SMARCA4: variants seen among roughly 807,000 people sequenced by gnomAD.
SMARCA4 encodes the protein SWI/SNF related BAF chromatin remodeling complex subunit ATPase 4.
In SMARCA4, 31 loss-of-function variants were observed where a neutral mutation model predicts 193.9. The ratio of observed to expected loss-of-function variants is 0.16; its 90% CI spans 0.12 to 0.22. SMARCA4 has a LOEUF of 0.22. Among genes scored for constraint, SMARCA4 ranks in the 10% least tolerant of loss-of-function variants. The probability of loss-of-function intolerance (pLI) is 1.00; values close to 1 mark genes in which losing one functional copy is unlikely to be tolerated. For missense variants in SMARCA4, 1,148 were observed against 2,296.0 expected (o/e 0.50, Z 10.22); for synonymous variants, 942 against 933.1 (o/e 1.01, Z -0.17).
At chr19:11,009,142 C>T (rs1460045109) in intron 14 of SMARCA4, among the ~76,000 whole-genome samples, 1 of 148,438 alleles carries the variant, frequency 6.7e-6, no homozygotes, top group Non-Finnish European at 1.5e-5. Flanking sequence ...TTGCCTCGGC[C>T]TCCTGAGTAG....
At chr19:11,052,351 A>G (rs1271105413) in intron 30 of SMARCA4, among the ~76,000 whole-genome samples, 1 of 152,164 alleles carries the variant, frequency 6.6e-6, no homozygotes, top group Non-Finnish European at 1.5e-5. Flanking sequence ...ACGTGAGCCC[A>G]GGAGTTGGAG....
intron 16 of SMARCA4, among the ~76,000 whole-genome samples, chr19:11,015,066 G>T (rs1354283757): frequency 6.6e-6 from 1 of 152,088 alleles, no homozygotes; most frequent in African/African-American, 2.4e-5. Flanking sequence ...GCCCGCCTTG[G>T]CCTCCCAAAG....
intron 29 of SMARCA4, chr19:11,040,958 G>A (rs953354832): frequency 1.2e-5 from 3 of 246,800 alleles, no homozygotes; most frequent in Non-Finnish European, 2.3e-5. Flanking sequence ...GATGGGGAGA[G>A]TGTGGAACAG....
intron 1 of SMARCA4, among the ~76,000 whole-genome samples, chr19:10,968,855 C>T (rs1467876773): frequency 6.6e-6 from 1 of 152,124 alleles, no homozygotes; most frequent in Non-Finnish European, 1.5e-5. Context: ...CTGAAACTGC[C>T]CCTGTGATGA....
At chr19:11,009,690 T>A (rs1395172086) in intron 14 of SMARCA4, among the ~76,000 whole-genome samples, 1 of 147,392 alleles carries the variant, frequency 6.8e-6, no homozygotes, top group Non-Finnish European at 1.5e-5. Flanking sequence ...CGGCTAACTT[T>A]TTTTTTTTTT....
intron 11 of SMARCA4, among the ~76,000 whole-genome samples, chr19:10,997,865 T>G (rs571475809): frequency 6.6e-6 from 1 of 152,314 alleles, no homozygotes; most frequent in South Asian, 2.1e-4. Flanking sequence ...AAGACAAGGT[T>G]GTTTCTGCAC....
At position 11,033,184 on chromosome 19, in the gene SMARCA4, C is replaced by A. The variant is rs2075047778; in HGVS notation, c.3547-106C>A. 4 of 870,072 alleles carry A rather than the reference C, an allele frequency of 4.6e-6. No homozygotes were observed. The highest frequency in any genetic ancestry group is 7.7e-6 in the Non-Finnish European group (4 of 519,960). The allele number at this position is 870,072 out of a possible 1,614,324, so 53.9% of individuals were successfully genotyped here. On this transcript the variant is annotated intron_variant, in intron 25 of 34. Coordinates refer to ENST00000344626, the MANE Select transcript of SMARCA4 (RefSeq NM_003072.5). This position sits in a 1 kb window ranked among gnomAD's most constrained non-coding sequence, Gnocchi z 9.8. Reference sequence around the variant, plus strand: ...GGTCAGGCTGGGCAGAATTGTCAGGCCGAGGGTGGCACGCACAGCACACCT... The same window carrying A: ...GGTCAGGCTGGGCAGAATTGTCAGGACGAGGGTGGCACGCACAGCACACCT...
At chr19:11,052,449 G>C (rs183053747) in intron 30 of SMARCA4, among the ~76,000 whole-genome samples, 14 of 152,132 alleles carry the variant, frequency 9.2e-5, no homozygotes, top group Admixed American at 3.3e-4. Flanking sequence ...GGCTCCAGGG[G>C]GTGTGAAGGA....
intron 11 of SMARCA4, among the ~76,000 whole-genome samples, chr19:11,001,991 G>A (rs2087681368): frequency 6.6e-6 from 1 of 152,136 alleles, no homozygotes; most frequent in South Asian, 2.1e-4. Flanking sequence ...TACAAATAGA[G>A]TATAAGTGGG....
chr19:11,036,276 C>T (rs2075264317), intron 29 of SMARCA4, among the ~76,000 whole-genome samples: 1 of 152,194 alleles, frequency 6.6e-6, no homozygotes, highest in African/African-American at 2.4e-5. Context: ...GTATGAGTGT[C>T]ACCGGCCCTG....
intron 1 of SMARCA4, among the ~76,000 whole-genome samples, chr19:10,961,972 A>ATTTTTTTT (rs1291248772): frequency 1.6e-5 from 2 of 121,774 alleles, no homozygotes; most frequent in Non-Finnish European, 1.7e-5. Flanking sequence ...ACCAGTCTTG[A>ATTTTTTTT]TTTTTTTTTT....
intron 14 of SMARCA4, among the ~76,000 whole-genome samples, chr19:11,009,007 C>CT (rs762148337): frequency 0.013 from 524 of 40,912 alleles, 115 homozygotes; most frequent in East Asian, 0.089. Flanking sequence ...ATAAAAGTCA[C>CT]TTTTTTTTTT....
At chr19:11,038,245 C>G (rs964481038) in intron 29 of SMARCA4, among the ~76,000 whole-genome samples, 15 of 152,194 alleles carry the variant, frequency 9.9e-5, no homozygotes, top group Non-Finnish European at 2.2e-4. Context: ...GCAGCGTCAC[C>G]CCATCTCTGC....
chr19:11,045,347 C>T (rs1049937033), intron 30 of SMARCA4, among the ~76,000 whole-genome samples: 1 of 152,124 alleles, frequency 6.6e-6, no homozygotes, highest in African/African-American at 2.4e-5. Context: ...TACTGTGTGC[C>T]TCCAGTTCTG....
chr19:11,028,143 G>A (rs1335327896), intron 24 of SMARCA4, among the ~76,000 whole-genome samples, 193 bp downstream of exon 24: 2 of 152,188 alleles, frequency 1.3e-5, no homozygotes, highest in East Asian at 3.8e-4. Context: ...ATTGGACGCC[G>A]GGTGTCCTGA....
At chr19:10,996,432 C>G (rs1294772020) in intron 10 of SMARCA4, 52 bp downstream of exon 10, 1 of 1,613,624 alleles carries the variant, frequency 6.2e-7, no homozygotes, top group Non-Finnish European at 8.5e-7. Flanking sequence ...GAGCAGCCGT[C>G]TTCACGTGTG....
intron 13 of SMARCA4, among the ~76,000 whole-genome samples, chr19:11,004,417 T>C (rs1455013488): frequency 6.6e-6 from 1 of 151,872 alleles, no homozygotes; most frequent in African/African-American, 2.4e-5. Context: ...CCAGCTAATT[T>C]TTAAAATATT....
intron 19 of SMARCA4, 88 bp downstream of exon 19, chr19:11,022,055 G>C: frequency 6.3e-7 from 1 of 1,588,172 alleles, no homozygotes; most frequent in Non-Finnish European, 8.6e-7. Context: ...GCTACAGCTG[G>C]CTGGGCCTGT....
rs970820040 is a variant in SMARCA4 at position 11,031,220 on chromosome 19, G to A, written c.3546+327G>A. ...TCAATCTGCGCCGTCACTGTGGGGC[G>A]GCCCCTGCAGTGTGCCCTGTGAGCA... On this transcript the variant is annotated intron_variant, in intron 25 of 34. Coordinates refer to ENST00000344626, the MANE Select transcript of SMARCA4 (RefSeq NM_003072.5). This position sits in a 1 kb window ranked among gnomAD's most constrained non-coding sequence, Gnocchi z 4.3. 9 of 388,430 alleles carry A rather than the reference G, an allele frequency of 2.3e-5. No individual in the cohort carries two copies. The highest frequency in any genetic ancestry group is 3.6e-5 in the Admixed American group (1 of 27,488). The allele number at this position is 388,430 out of a possible 1,614,324, so 24.1% of individuals were successfully genotyped here.
Sources: allele counts gnomAD v4.1 joint callset (sites outside exome capture counted in the v4.1 genomes callset), GRCh38; gene constraint gnomAD v4.1.1; non-coding constraint Gnocchi (gnomAD v3.1); transcripts MANE v1.5; gene names NCBI Gene and HGNC (gene_info 2026-07-23, HGNC 2026-07-21).